The following KMT2C variants were observed in gnomAD, a reference collection of about 807,000 sequenced individuals.
KMT2C encodes lysine methyltransferase 2C.
KMT2C carries 88 observed loss-of-function variants against 507.9 expected under a neutral mutation model. The observed-to-expected ratio is 0.17, with a 90% confidence interval of 0.15 to 0.21. The LOEUF (loss-of-function observed/expected upper bound fraction) is 0.21, where lower values mean the gene tolerates loss of function less well. KMT2C is among the 10% of genes least tolerant of loss of function. The probability of loss-of-function intolerance (pLI) is 1.00; values close to 1 mark genes in which losing one functional copy is unlikely to be tolerated. For missense variants in KMT2C, 4,954 were observed against 5,957.8 expected, an observed-to-expected ratio of 0.83 and a Z score of 5.55; for synonymous variants, 2,049 against 2,080.8, an observed-to-expected ratio of 0.98 and a Z score of 0.42.
Position 152,163,303 on chromosome 7 carries a change from A to C in KMT2C, c.10274T>G (p.Leu3425Trp). The change falls in exon 43 of 59, where the codon TTG becomes TGG. Residue 3425 changes from leucine (L) to tryptophan (W), a missense_variant. By Grantham distance (61) the Leu-to-Trp change is moderately conservative (BLOSUM62 -2). Coordinates refer to ENST00000262189, the MANE Select transcript of KMT2C (RefSeq NM_170606.3). The part of the protein sequence containing the change: ...LMQEVDRQRA[L>W]QQRMEMEQHG... ...CTGCTCCATTTCCATCCTCTGCTGC[A>C]AAGCTCTTTGTCTATCTACCTCCTG... 1 of 1,614,202 alleles carries C rather than the reference A, an allele frequency of 6.2e-7. No individual in the cohort carries two copies. Among genetic ancestry groups the C allele is most frequent in the Non-Finnish European group, 8.5e-7 (1 of 1,180,040 alleles).
At chr7:152,294,362 G>A (rs1306941943) in intron 6 of KMT2C, among the ~76,000 whole-genome samples, 1 of 152,198 alleles carries the variant, frequency 6.6e-6, no homozygotes, top group African/African-American at 2.4e-5. Flanking sequence ...TGTACATGAT[G>A]ATTGAGTACT....
At position 152,434,335 on chromosome 7, in the gene KMT2C, C is replaced by A. The variant is rs371880673; in HGVS notation, c.161+1291G>T. Among the ~76,000 whole-genome samples the A allele has an allele frequency of 4.6e-5, 7 of 152,230 alleles. No homozygotes were observed. In the East Asian group the frequency reaches 1.2e-3, roughly 25 times the overall value. ...ATAAAATATGGAGGCAAGTTGAAGG[C>A]CCTGAATCATTTTCATAGTAAAAGG... On this transcript the variant is annotated intron_variant, in intron 1 of 58. Transcript: ENST00000262189.
rs1428729458 is a variant in KMT2C, at chr7:152,188,561, GT to G, written c.4661-715del. On this transcript the variant is annotated intron_variant, in intron 31 of 58. Coordinates refer to ENST00000262189, the MANE Select transcript of KMT2C (RefSeq NM_170606.3). ...CAGATGTTTCTTATATTTTATTCCT[GT>G]TCCTCTTAATACCAAAAAAAAAAAA... 1.1e-4 allele frequency among the ~76,000 whole-genome samples: 9 copies of G among 84,244 alleles called. No homozygotes were observed. The Admixed American group carries it at 1.2e-3, about 11-fold the overall frequency. The allele number at this position is 84,244 out of a possible 152,430, so 55.3% of individuals were successfully genotyped here.
At chr7:152,243,804 A>G (rs1352832390) in intron 14 of KMT2C, among the ~76,000 whole-genome samples, 1 of 152,130 alleles carries the variant, frequency 6.6e-6, no homozygotes, top group African/African-American at 2.4e-5. Context: ...TAAATAAGTA[A>G]AAATAAAATA....
intron 1 of KMT2C, among the ~76,000 whole-genome samples, chr7:152,399,490 G>T (rs1235736147): frequency 6.6e-6 from 1 of 152,018 alleles, no homozygotes; most frequent in Non-Finnish European, 1.5e-5. Flanking sequence ...GCACTTTGGG[G>T]TAAAACAATG....
Position 152,144,740 on chromosome 7 carries a change from A to G in KMT2C, c.14316T>C (p.Asn4772=), listed in dbSNP as rs1327221042. 1 of 1,614,130 alleles carries G rather than the reference A, an allele frequency of 6.2e-7. No homozygotes were observed. The part of the protein sequence containing the change: ...YRKMKTEWKS[N]VYLARSRIQG... ...GAATCCGAGACCGTGCCAGATACAC[A>G]TTGGATTTCCATTCAGTTTTCATCT... The change falls in exon 55 of 59, where the codon AAT becomes AAC. Residue 4772 remains asparagine (N), a synonymous_variant. Coordinates refer to ENST00000262189, the MANE Select transcript of KMT2C (RefSeq NM_170606.3). The surrounding 1 kb of genome is among the most constrained non-coding windows in gnomAD (Gnocchi z 4.4).
At chr7:152,373,473 C>A (rs1458103756) in intron 1 of KMT2C, among the ~76,000 whole-genome samples, 2 of 152,124 alleles carry the variant, frequency 1.3e-5, no homozygotes, top group Non-Finnish European at 2.9e-5. Context: ...TTCTGTCTCC[C>A]ACTGAACAAA....
intron 55 of KMT2C, among the ~76,000 whole-genome samples, 156 bp from the exon 56 acceptor site, chr7:152,139,947 A>T (rs1450241436): frequency 6.6e-6 from 1 of 152,218 alleles, no homozygotes; most frequent in Non-Finnish European, 1.5e-5. Flanking sequence ...CTGAAATTTT[A>T]AAAATTGGAC....
chr7:152,177,852 G>C lies in KMT2C; in HGVS notation c.7601C>G (p.Pro2534Arg), dbSNP rs1274648170. 6.2e-7 allele frequency: 1 copy of C among 1,613,434 alleles called. No individual in the cohort carries two copies. The highest frequency in any genetic ancestry group is 8.5e-7 in the Non-Finnish European group (1 of 1,179,818). Residue 2534 changes from proline to arginine, a missense_variant, in exon 38 of 59, where the codon CCA becomes CGA. By Grantham distance (103) the Pro-to-Arg change is moderately radical (BLOSUM62 -2). Around this residue, in one of 29 missense-constraint regions of KMT2C, gnomAD observed 1,689 missense variants for 1,654.3 expected, o/e 1.02. Coordinates refer to ENST00000262189, the MANE Select transcript of KMT2C (RefSeq NM_170606.3). ...TGAAAAATGCTGAGGAAGTCCAACT[G>C]GATTATTCATTTGTGAGTTATTTAA... ...RPLNNSQMNN[P>R]VGLPQHFSPQ... is the part of the protein sequence containing the mutation.
intron 1 of KMT2C, among the ~76,000 whole-genome samples, chr7:152,421,912 A>C (rs1199945313): frequency 6.6e-6 from 1 of 152,178 alleles, no homozygotes; most frequent in African/African-American, 2.4e-5. Context: ...GAAAAAAAAC[A>C]AGTGGGAACT....
chr7:152,223,478 C>A (rs1220781991), intron 20 of KMT2C, among the ~76,000 whole-genome samples: 1 of 151,924 alleles, frequency 6.6e-6, no homozygotes, highest in Admixed American at 6.6e-5. Context: ...TTCCTAAACC[C>A]TCAAAAAGGC....
intron 39 of KMT2C, among the ~76,000 whole-genome samples, chr7:152,173,301 T>C (rs1042735861): frequency 6.6e-6 from 1 of 152,202 alleles, no homozygotes; most frequent in African/African-American, 2.4e-5. Flanking sequence ...ATAAAAGTTT[T>C]TCAACAAGAT....
intron 1 of KMT2C, among the ~76,000 whole-genome samples, chr7:152,417,221 C>G (rs970892108): frequency 6.6e-6 from 1 of 152,088 alleles, no homozygotes; most frequent in Admixed American, 6.6e-5. Context: ...CAGGTTCAAG[C>G]GACTCTCCTG....
intron 6 of KMT2C, among the ~76,000 whole-genome samples, chr7:152,279,286 A>G (rs2096153966): frequency 2.0e-5 from 3 of 152,264 alleles, no homozygotes; most frequent in Admixed American, 6.5e-5. Flanking sequence ...AAACATCAAA[A>G]AAATCTCTGA....
Position 152,222,592 on chromosome 7 carries a change from G to C in KMT2C, c.3414C>G (p.Pro1138=), listed in dbSNP as rs150537569. ...TCTTACCATTAGACGCAGGCATATA[G>C]GGTCTGCACATGCTACAATCAAAAC... ...DIGFDCSMCR[P]YMPASNVPSS... is the part of the protein sequence containing the mutation. The change falls in exon 21 of 59, where the codon CCC becomes CCG. Residue 1138 remains proline (P), a synonymous_variant. Coordinates refer to ENST00000262189, the MANE Select transcript of KMT2C (RefSeq NM_170606.3). 118 of 1,593,280 alleles carry C rather than the reference G, an allele frequency of 7.4e-5. 2 individuals carry two copies. The East Asian group carries it at 2.6e-3, about 36-fold the overall frequency.
At chr7:152,388,539 C>CA (rs1293010949) in intron 1 of KMT2C, among the ~76,000 whole-genome samples, 1 of 152,162 alleles carries the variant, frequency 6.6e-6, no homozygotes, top group Admixed American at 6.5e-5. Context: ...GCCTGGGCGA[C>CA]AGAGCGAGAC....
At chr7:152,179,037 C>A (rs1165653679) in intron 37 of KMT2C, among the ~76,000 whole-genome samples, 1 of 152,212 alleles carries the variant, frequency 6.6e-6, no homozygotes, top group Admixed American at 6.5e-5. Context: ...GTCTCCCAGG[C>A]TGGAGTGCAG....
chr7:152,426,109 T>C (rs1484594699), intron 1 of KMT2C, among the ~76,000 whole-genome samples: 2 of 152,168 alleles, frequency 1.3e-5, no homozygotes, highest in Non-Finnish European at 2.9e-5. Flanking sequence ...CATAGAGATT[T>C]CTGCTGACCT....
chr7:152,370,051 G>A (rs191078561), intron 1 of KMT2C, among the ~76,000 whole-genome samples: 4 of 152,182 alleles, frequency 2.6e-5, no homozygotes, highest in African/African-American at 9.6e-5. Flanking sequence ...AAAATTAGCT[G>A]GGCGTGGTAG....
Sources: gnomAD v4.1 joint callset for allele counts (sites outside exome capture counted in the v4.1 genomes callset) on GRCh38, gnomAD v4.1.1 for gene constraint, gnomAD v4.1.1 regional missense constraint, Gnocchi (gnomAD v3.1) non-coding constraint, MANE v1.5 for transcripts, NCBI Gene and HGNC (gene_info 2026-07-23, HGNC 2026-07-21) for gene names.